Variants in SPATA9 observed in about 807,000 individuals in gnomAD.
The protein encoded by SPATA9 is spermatogenesis associated 9, also known as spermatogenesis-associated protein 9.
In SPATA9, 27 loss-of-function variants were observed where a neutral mutation model predicts 25.5. The observed-to-expected ratio is 1.06, with a 90% CI of 0.78 to 1.46. SPATA9 has a LOEUF of 1.46. Among genes scored for constraint, SPATA9 ranks in the 40% most tolerant of loss-of-function variants. The pLI, the probability that SPATA9 is intolerant of heterozygous loss-of-function variation, is 0.00. For synonymous variants in SPATA9, 102 were observed against 105.7 expected (o/e 0.97, Z 0.21); for missense variants, 282 against 297.5 (o/e 0.95, Z 0.38).
At chr5:95,701,210 C>T (rs935941391), upstream of SPATA9, 4 of 152,114 alleles carry the variant, frequency 2.6e-5, no homozygotes, top group Non-Finnish European at 5.9e-5. Context: ...ATTGTGGCAA[C>T]TGCAATAATT....
At chr5:95,655,539 G>C (rs1419768959), downstream of SPATA9, 1 of 152,796 alleles carries the variant, frequency 6.5e-6, no homozygotes, top group Non-Finnish European at 1.5e-5. Context: ...AGATCCAGGT[G>C]CTTCCTATGT....
At chr5:95,693,566 C>A (rs1753939761) in intron 1 of SPATA9, among the ~76,000 whole-genome samples, 1 of 152,182 alleles carries the variant, frequency 6.6e-6, no homozygotes, top group African/African-American at 2.4e-5. Context: ...TGTAAAACTA[C>A]AAAGAAAACC....
At chr5:95,689,744 T>A (rs1397327339) in intron 1 of SPATA9, among the ~76,000 whole-genome samples, 1 of 152,084 alleles carries the variant, frequency 6.6e-6, no homozygotes, top group Admixed American at 6.5e-5. Context: ...ACCAAGCATA[T>A]GAAAGTATGT....
chr5:95,670,803 G>A, intron 3 of SPATA9: 1 of 974,582 alleles, frequency 1.0e-6, no homozygotes, highest in Non-Finnish European at 1.2e-6. Flanking sequence ...ATTGACCTCT[G>A]CCACATCTCA....
At chr5:95,675,819 C>CTTTTTTTTT (rs33943918) in intron 2 of SPATA9, among the ~76,000 whole-genome samples, 180 bp from the exon 3 acceptor site, 2 of 108,028 alleles carry the variant, frequency 1.9e-5, no homozygotes, top group Non-Finnish European at 3.6e-5. Flanking sequence ...GTACTTAAAC[C>CTTTTTTTTT]TTTTTTTTTT....
chr5:95,688,925 C>G (rs1753816041), intron 1 of SPATA9, among the ~76,000 whole-genome samples: 1 of 152,104 alleles, frequency 6.6e-6, no homozygotes, highest in Admixed American at 6.6e-5. Flanking sequence ...TTAGTTACAT[C>G]TCAGCCAAGC....
chr5:95,708,796 G>A, the SPATA9 span: 43 of 598,134 alleles, frequency 7.2e-5, 1 homozygote, highest in South Asian at 8.3e-4. Flanking sequence ...GACTTCCTTG[G>A]AAGTACCGGC....
chr5:95,725,730 A>G, the SPATA9 span, among the ~76,000 whole-genome samples: 2 of 152,184 alleles, frequency 1.3e-5, no homozygotes, highest in African/African-American at 4.8e-5. Context: ...CTTCTTTGTT[A>G]GAATAAATTG....
the SPATA9 span, among the ~76,000 whole-genome samples, chr5:95,705,237 G>T: frequency 6.6e-6 from 1 of 152,026 alleles, no homozygotes; most frequent in East Asian, 1.9e-4. Context: ...AAAGTGCTGC[G>T]ATTACAGGCG....
the SPATA9 span, among the ~76,000 whole-genome samples, chr5:95,709,186 G>C: frequency 1.3e-5 from 2 of 152,306 alleles, no homozygotes; most frequent in African/African-American, 4.8e-5. Flanking sequence ...GGCCCCATCT[G>C]TTCAGGAATT....
rs1386032668 is a variant in SPATA9 at position 95,664,068 on chromosome 5, TTTC to T, written c.379-23_379-21del. On this transcript the variant is annotated intron_variant, in intron 3 of 4. Transcript: ENST00000274432. Reference sequence around the variant, plus strand: ...TCTGACCTGCAAAAACAGAAAAGATTTTCTTAATAAACAAACATTTTCAGTGTT... The same window carrying T: ...TCTGACCTGCAAAAACAGAAAAGATTTTAATAAACAAACATTTTCAGTGTT... 3.7e-5 allele frequency: 53 copies of T among 1,433,282 alleles called. No individual in the cohort carries two copies. Among genetic ancestry groups the T allele is most frequent in the Non-Finnish European group, 4.5e-5 (47 of 1,054,586 alleles). 88.8% of individuals were successfully genotyped at this position (1,433,282 alleles called of 1,614,324 possible). A position where few individuals can be genotyped will look rare whatever the true frequency, so the allele number is the denominator to read the frequency against.
chr5:95,659,141 AAT>A (rs1751014525), intron 4 of SPATA9, among the ~76,000 whole-genome samples: 2 of 152,180 alleles, frequency 1.3e-5, no homozygotes, highest in African/African-American at 4.8e-5. Flanking sequence ...TGCTTCAATA[AAT>A]ATATGTTTTA....
chr5:95,726,969 T>A, the SPATA9 span, among the ~76,000 whole-genome samples: 2 of 152,116 alleles, frequency 1.3e-5, no homozygotes, highest in African/African-American at 4.8e-5. Context: ...TCCCCCCTTT[T>A]TTTTTTCAGT....
chr5:95,725,580 A>G, the SPATA9 span, among the ~76,000 whole-genome samples: 1 of 152,248 alleles, frequency 6.6e-6, no homozygotes, highest in African/African-American at 2.4e-5. Flanking sequence ...TATTTATTAA[A>G]TCATCTGCAT....
At chr5:95,660,111 T>C (rs1751129478) in intron 4 of SPATA9, among the ~76,000 whole-genome samples, 1 of 152,080 alleles carries the variant, frequency 6.6e-6, no homozygotes, top group Non-Finnish European at 1.5e-5. Flanking sequence ...ACAATAGAAA[T>C]TTATTTCTCA....
the SPATA9 span, chr5:95,731,221 A>G: frequency 7.0e-6 from 7 of 1,003,042 alleles, no homozygotes; most frequent in South Asian, 1.3e-4. Flanking sequence ...CGTCCCCCGC[A>G]TCCGCCCGAC....
At chr5:95,730,307 T>C in the SPATA9 span, among the ~76,000 whole-genome samples, 2 of 152,084 alleles carry the variant, frequency 1.3e-5, no homozygotes, top group Non-Finnish European at 2.9e-5. Context: ...AATAAACAGA[T>C]AAAAGGATAA....
chr5:95,726,869 C>A, the SPATA9 span, among the ~76,000 whole-genome samples: 1 of 152,202 alleles, frequency 6.6e-6, no homozygotes, highest in Non-Finnish European at 1.5e-5. Flanking sequence ...TGCCATGCCC[C>A]CAACACTCCT....
At chr5:95,717,358 T>A in the SPATA9 span, among the ~76,000 whole-genome samples, 1 of 152,206 alleles carries the variant, frequency 6.6e-6, no homozygotes, top group Non-Finnish European at 1.5e-5. Context: ...TTAAAATAAA[T>A]CTCTCTCTGT....
Sources: gnomAD v4.1 joint callset for allele counts (sites outside exome capture counted in the v4.1 genomes callset) on GRCh38, gnomAD v4.1.1 for gene constraint, MANE v1.5 for transcripts, NCBI Gene and HGNC (gene_info 2026-07-23, HGNC 2026-07-21) for gene names.